Variants in SCARA3 observed in about 807,000 individuals in gnomAD.
SCARA3 encodes cellular stress response gene protein.
A neutral mutation model predicts 47.0 loss-of-function variants in SCARA3; 39 were observed. The ratio of observed to expected loss-of-function variants is 0.83; its 90% CI spans 0.64 to 1.08. The LOEUF is 1.08. Among genes scored for constraint, SCARA3 ranks in the 50% least tolerant of loss-of-function variants. The pLI, the probability that SCARA3 is intolerant of heterozygous loss-of-function variation, is 0.00. For missense variants in SCARA3, 724 were observed against 792.3 expected, an observed-to-expected ratio of 0.91 and a Z score of 1.04; for synonymous variants, 356 against 334.1, an observed-to-expected ratio of 1.07 and a Z score of -0.71.
chr8:27,658,396 C>A, intron 4 of SCARA3, 100 bp from the exon 5 acceptor site: 3 of 1,159,950 alleles, frequency 2.6e-6, no homozygotes, highest in Non-Finnish European at 3.6e-6. Context: ...GTTTGGGAAG[C>A]TACTAACCAA....
the SCARA3 span, among the ~76,000 whole-genome samples, chr8:27,698,452 A>G: frequency 6.6e-6 from 1 of 152,240 alleles, no homozygotes; most frequent in South Asian, 2.1e-4. Flanking sequence ...GTTTTCCCTT[A>G]TAAACCAGAA....
the SCARA3 span, among the ~76,000 whole-genome samples, chr8:27,707,192 A>G: frequency 5.3e-5 from 8 of 152,158 alleles, no homozygotes; most frequent in Admixed American, 4.6e-4. Context: ...AGGTTGGAAA[A>G]TATGATTCTT....
In SCARA3 at chr8:27,671,920, G is replaced by A; in HGVS notation, c.*569G>A. The A allele has an allele frequency of 1.0e-6, 1 of 985,450 alleles. No homozygotes were observed. The highest frequency in any genetic ancestry group is 1.2e-6 in the Non-Finnish European group (1 of 829,934). 61.0% of individuals were successfully genotyped at this position (985,450 alleles called of 1,614,324 possible). A position where few individuals can be genotyped will look rare whatever the true frequency, so the allele number is the denominator to read the frequency against. ...GAGGAAGACCCCCTCTCCTGTGACTGAGCCTGCCAGGGAGGCAGCTACCTC... is the reference window on the plus strand; with the variant it reads ...GAGGAAGACCCCCTCTCCTGTGACTAAGCCTGCCAGGGAGGCAGCTACCTC... On this transcript the variant is annotated 3_prime_UTR_variant, in exon 6 of 6. Transcript: ENST00000301904.
At position 27,659,142 on chromosome 8, in the gene SCARA3, C is replaced by T. The variant is rs1196277681; in HGVS notation, c.972C>T (p.Asn324=). 1.2e-6 allele frequency: 2 copies of T among 1,614,148 alleles called. No homozygotes were observed. The highest frequency in any genetic ancestry group is 2.2e-5 in the East Asian group (1 of 44,862). Residue 324 remains asparagine (N), a synonymous_variant, in exon 5 of 6, where the codon AAC becomes AAT. Coordinates refer to ENST00000301904, the MANE Select transcript of SCARA3 (RefSeq NM_016240.3). ...CCTTCCTGGATGACCACGAAGAGAA[C>T]ATGCATGATCTTCAGTACCATACCC... ...ISSFLDDHEE[N]MHDLQYHTHY... is the part of the protein sequence containing the mutation.
At chr8:27,710,915 A>ATTTTTTTT in the SCARA3 span, among the ~76,000 whole-genome samples, 1 of 96,786 alleles carries the variant, frequency 1.0e-5, no homozygotes, top group African/African-American at 4.2e-5. Flanking sequence ...CTCATAGGTG[A>ATTTTTTTT]TTTTTTTTTT....
chr8:27,690,153 C>G, the SCARA3 span, among the ~76,000 whole-genome samples: 1 of 152,136 alleles, frequency 6.6e-6, no homozygotes, highest in Non-Finnish European at 1.5e-5. Context: ...ACAGGAATTA[C>G]TCACCTCCAT....
At chr8:27,650,175 G>A (rs1238965359) in intron 2 of SCARA3, among the ~76,000 whole-genome samples, 2 of 151,674 alleles carry the variant, frequency 1.3e-5, no homozygotes, top group Non-Finnish European at 2.9e-5. Flanking sequence ...TTTATTTTTT[G>A]TAGATACAAG....
At chr8:27,692,672 AT>A in the SCARA3 span, among the ~76,000 whole-genome samples, 1 of 152,040 alleles carries the variant, frequency 6.6e-6, no homozygotes, top group Non-Finnish European at 1.5e-5. Flanking sequence ...TTTAAGCCTG[AT>A]TAAAAAAAAT....
the SCARA3 span, among the ~76,000 whole-genome samples, chr8:27,686,167 G>C: frequency 6.6e-6 from 1 of 152,130 alleles, no homozygotes; most frequent in Non-Finnish European, 1.5e-5. Flanking sequence ...GTTGCTGGGC[G>C]TGGTGGCTCA....
At chr8:27,642,104 T>C (rs1334223006) in intron 1 of SCARA3, among the ~76,000 whole-genome samples, 1 of 152,232 alleles carries the variant, frequency 6.6e-6, no homozygotes, top group Non-Finnish European at 1.5e-5. Flanking sequence ...TGTGAATCTC[T>C]AAGATGGCGA....
the SCARA3 span, among the ~76,000 whole-genome samples, chr8:27,729,858 C>G: frequency 1.3e-5 from 2 of 152,152 alleles, no homozygotes; most frequent in South Asian, 4.1e-4. Context: ...TAAATGCACA[C>G]CGCGGAAGGT....
intron 5 of SCARA3, among the ~76,000 whole-genome samples, chr8:27,662,292 C>T (rs1157610714): frequency 1.3e-5 from 2 of 152,250 alleles, no homozygotes; most frequent in Non-Finnish European, 1.5e-5. Flanking sequence ...TATACAGCCT[C>T]CTGGAGAACC....
At chr8:27,711,108 G>A in the SCARA3 span, among the ~76,000 whole-genome samples, 2 of 152,110 alleles carry the variant, frequency 1.3e-5, no homozygotes, top group South Asian at 2.1e-4. Context: ...TTTTAGTAGA[G>A]ATGGGGTTTC....
At chr8:27,643,709 G>C (rs910013694) in intron 1 of SCARA3, among the ~76,000 whole-genome samples, 2 of 152,176 alleles carry the variant, frequency 1.3e-5, no homozygotes, top group Admixed American at 6.5e-5. Flanking sequence ...CCAATTGGCT[G>C]TTTTGAAAAC....
chr8:27,720,810 A>T, the SCARA3 span, among the ~76,000 whole-genome samples: 1 of 151,266 alleles, frequency 6.6e-6, no homozygotes, highest in Non-Finnish European at 1.5e-5. Flanking sequence ...TCATCTATCC[A>T]TTCGTCCAGC....
Position 27,671,187 on chromosome 8 carries a change from G to C in SCARA3, c.1657G>C (p.Gly553Arg). 6.6e-7 allele frequency: 1 copy of C among 1,516,198 alleles called. No individual in the cohort carries two copies. Among genetic ancestry groups the C allele is most frequent in the African/African-American group, 1.4e-5 (1 of 70,922 alleles). The allele number at this position is 1,516,198 out of a possible 1,614,324, so 93.9% of individuals were successfully genotyped here. The stretch of plus-strand genomic sequence containing the variant: ...GCCCCCAGGGCCAGAAGGGCCCCCG[G>C]GGTCTCCAGGGCCCTCAGGGCCTCA... ...IGPPGPEGPP[G>R]SPGPSGPQGK... is the part of the protein sequence containing the mutation. The change falls in exon 6 of 6, where the codon GGG (glycine) becomes CGG (arginine). Residue 553 changes from glycine to arginine, a missense_variant. By Grantham distance (125) the Gly-to-Arg change is moderately radical. Transcript: ENST00000301904.
rs199959277 is a variant in SCARA3, at chr8:27,651,508, G to T, written c.107G>T (p.Gly36Val). Residue 36 changes from glycine (G) to valine (V), a missense_variant and splice_region_variant, in exon 3 of 6, where the codon GGC becomes GTC. Physicochemically the swap from Gly to Val is moderately radical, Grantham distance 109 (BLOSUM62 -3). Coordinates refer to ENST00000301904, the MANE Select transcript of SCARA3 (RefSeq NM_016240.3). ...ATTGTCCTCCTTGTGTCCCCCACAG[G>T]CCGGCCAGGGCCCCGCTGCAGCCGC... is the stretch of plus-strand genomic sequence containing the variant. The part of the protein sequence containing the change: ...DMPTFPCTQK[G>V]RPGPRCSRCQ... The T allele has an allele frequency of 1.2e-6, 2 of 1,611,388 alleles. No individual in the cohort carries two copies. Among genetic ancestry groups the T allele is most frequent in the South Asian group, 1.1e-5 (1 of 91,008 alleles).
the SCARA3 span, chr8:27,733,739 C>T: frequency 1.3e-5 from 2 of 152,108 alleles, no homozygotes; most frequent in Admixed American, 1.3e-4. Flanking sequence ...AAAGAAAAAG[C>T]ACGCGTCAAT....
At chr8:27,667,323 C>G (rs1031702469) in intron 5 of SCARA3, among the ~76,000 whole-genome samples, 4 of 152,220 alleles carry the variant, frequency 2.6e-5, no homozygotes, top group African/African-American at 7.2e-5. Flanking sequence ...AGGAAGGCAG[C>G]CTTCTGAGTC....
Sources: allele counts gnomAD v4.1 joint callset (sites outside exome capture counted in the v4.1 genomes callset), GRCh38; gene constraint gnomAD v4.1.1; transcripts MANE v1.5; gene names NCBI Gene and HGNC (gene_info 2026-07-23, HGNC 2026-07-21).